The following NGEF variants were observed in gnomAD, a reference collection of about 807,000 sequenced individuals.
NGEF encodes the protein neuronal guanine nucleotide exchange factor.
A neutral mutation model predicts 80.9 loss-of-function variants in NGEF; 31 were observed. That is an observed-to-expected ratio of 0.38 (90% CI 0.29 to 0.52). NGEF has a LOEUF of 0.52. NGEF is among the 20% of genes least tolerant of loss of function. The pLI, the probability that NGEF is intolerant of heterozygous loss-of-function variation, is 0.84. For synonymous variants in NGEF, 371 were observed against 370.2 expected (o/e 1.00, Z -0.03); for missense variants, 709 against 926.2 (o/e 0.77, Z 3.04).
chr2:232,959,998 C>T (rs193152981), intron 3 of NGEF, among the ~76,000 whole-genome samples: 15 of 152,368 alleles, frequency 9.8e-5, no homozygotes, highest in African/African-American at 3.6e-4. Context: ...CAGGCTGTCC[C>T]TGCTGAGTGT....
At position 232,918,405 on chromosome 2, in the gene NGEF, T is replaced by C. The variant is rs376501530; in HGVS notation, c.828+1879A>G. Among the ~76,000 whole-genome samples, 57 of 152,236 alleles carry C rather than the reference T, an allele frequency of 3.7e-4. 2 individuals carry two copies. Among genetic ancestry groups the C allele is most frequent in the Admixed American group, 1.4e-3 (22 of 15,288 alleles). On this transcript the variant is annotated intron_variant, in intron 5 of 14. Coordinates refer to ENST00000264051, the MANE Select transcript of NGEF (RefSeq NM_019850.3). ...TGTGAGCCACCACACCGAGCCTCAA[T>C]TGAAGAATTTCTGTCTTTTAATGGA...
In NGEF at chr2:232,881,118, G is replaced by C. The variant is rs751668323; in HGVS notation, c.1942+28C>G. ...CCTTGTGGGGCAAGTTCCCCTGGGG[G>C]CCCCGAGGGGAGGTCCCTGGGCCTC... is the stretch of plus-strand genomic sequence containing the variant. On this transcript the variant is annotated intron_variant, in intron 14 of 14. Coordinates refer to ENST00000264051, the MANE Select transcript of NGEF (RefSeq NM_019850.3). 4 of 1,595,314 alleles carry C rather than the reference G, an allele frequency of 2.5e-6. No homozygotes were observed. In the Admixed American group the frequency reaches 6.7e-5, roughly 27 times the overall value.
At chr2:232,966,084 A>G (rs954182017) in intron 3 of NGEF, among the ~76,000 whole-genome samples, 33 of 152,116 alleles carry the variant, frequency 2.2e-4, no homozygotes, top group African/African-American at 7.7e-4. Flanking sequence ...GAGCAGCCCA[A>G]AGCGATTTCC....
intron 3 of NGEF, among the ~76,000 whole-genome samples, chr2:232,932,866 G>A (rs965658860): frequency 3.9e-5 from 6 of 152,120 alleles, no homozygotes; most frequent in Non-Finnish European, 1.5e-5. Flanking sequence ...CACTTTGAAA[G>A]GCTGAGTCGG....
At chr2:232,941,465 G>T (rs1693435845) in intron 3 of NGEF, among the ~76,000 whole-genome samples, 1 of 152,230 alleles carries the variant, frequency 6.6e-6, no homozygotes, top group South Asian at 2.1e-4. Context: ...CCCAAAGTTA[G>T]TTCAGCCTAC....
chr2:232,987,645 G>C (rs1293469753), intron 1 of NGEF, among the ~76,000 whole-genome samples: 4 of 152,104 alleles, frequency 2.6e-5, no homozygotes, highest in Admixed American at 6.5e-5. Context: ...GGTTCTGAGA[G>C]CCTAGGGTTA....
chr2:232,907,176 AAAGAAAAAAAAG>A (rs1246114237), intron 5 of NGEF, among the ~76,000 whole-genome samples: 3 of 72,490 alleles, frequency 4.1e-5, no homozygotes, highest in African/African-American at 9.5e-5. Context: ...AAAAAAAAGA[AAAGAAAAAAAAG>A]AAAAAAAAAA....
intron 3 of NGEF, among the ~76,000 whole-genome samples, chr2:232,953,731 G>A (rs573997934): frequency 1.4e-4 from 21 of 152,108 alleles, no homozygotes; most frequent in South Asian, 4.1e-4. Flanking sequence ...GCCCGGGAGC[G>A]TTTTCCAGGA....
chr2:232,965,069 T>G (rs552396601), intron 3 of NGEF, among the ~76,000 whole-genome samples: 1 of 152,366 alleles, frequency 6.6e-6, no homozygotes, highest in Admixed American at 6.5e-5. Flanking sequence ...ATCACCTTTA[T>G]GAATATGCTA....
chr2:232,882,312 C>T (rs1364619498), intron 12 of NGEF, 47 bp from the exon 13 acceptor site: 6 of 1,536,682 alleles, frequency 3.9e-6, no homozygotes, highest in East Asian at 2.3e-5. Flanking sequence ...TCAACGGCAG[C>T]CCCCCAACGT....
chr2:232,937,781 T>A (rs879467200), intron 3 of NGEF, among the ~76,000 whole-genome samples: 10 of 152,182 alleles, frequency 6.6e-5, no homozygotes, highest in Non-Finnish European at 1.2e-4. Context: ...TCCCATCTTG[T>A]GTGTCTTGGG....
intron 2 of NGEF, among the ~76,000 whole-genome samples, chr2:232,971,270 G>C (rs562335759): frequency 6.6e-6 from 1 of 151,940 alleles, no homozygotes; most frequent in Non-Finnish European, 1.5e-5. Flanking sequence ...CCCCCACCCC[G>C]TGCTCTTTCT....
intron 5 of NGEF, among the ~76,000 whole-genome samples, chr2:232,895,866 G>A (rs1692042031): frequency 6.6e-6 from 1 of 152,214 alleles, no homozygotes; most frequent in Non-Finnish European, 1.5e-5. Context: ...TTCTGGAGGT[G>A]CCTTTATTCG....
intron 3 of NGEF, among the ~76,000 whole-genome samples, chr2:232,962,986 A>G (rs1423266436): frequency 2.0e-5 from 3 of 152,016 alleles, no homozygotes; most frequent in Non-Finnish European, 4.4e-5. Flanking sequence ...ATTTATCTGT[A>G]GAGACAATGC....
At chr2:232,890,072 G>T (rs969618293) in intron 8 of NGEF, among the ~76,000 whole-genome samples, 2 of 150,716 alleles carry the variant, frequency 1.3e-5, no homozygotes, top group South Asian at 2.1e-4. Context: ...GTCAGGTGGA[G>T]GGGGTCTCGG....
chr2:232,917,539 G>C (rs542322774), intron 5 of NGEF, among the ~76,000 whole-genome samples: 1 of 150,576 alleles, frequency 6.6e-6, no homozygotes, highest in African/African-American at 2.5e-5. Context: ...GTGAGATCTT[G>C]GCTTACTGAA....
At chr2:232,882,299 A>T (rs1215386328) in intron 12 of NGEF, 34 bp from the exon 13 acceptor site, 5 of 1,586,818 alleles carry the variant, frequency 3.2e-6, no homozygotes, top group Non-Finnish European at 4.3e-6. Context: ...CCCCAACTGC[A>T]GATCAACGGC....
At chr2:233,009,107 A>AT (rs1177779402) in intron 1 of NGEF, among the ~76,000 whole-genome samples, 3 of 152,046 alleles carry the variant, frequency 2.0e-5, no homozygotes, top group African/African-American at 7.2e-5. Flanking sequence ...CATCTTCATA[A>AT]TTTTTAAGTG....
intron 1 of NGEF, among the ~76,000 whole-genome samples, chr2:233,011,154 C>T (rs1471459068): frequency 6.6e-6 from 1 of 152,158 alleles, no homozygotes; most frequent in East Asian, 1.9e-4. Context: ...GTGTGGGACA[C>T]AGCATCGCTT....
Sources: gnomAD v4.1 joint callset for allele counts (sites outside exome capture counted in the v4.1 genomes callset) on GRCh38, gnomAD v4.1.1 for gene constraint, MANE v1.5 for transcripts, NCBI Gene and HGNC (gene_info 2026-07-23, HGNC 2026-07-21) for gene names.